Variants in TSPAN11 observed in about 807,000 individuals in gnomAD.
TSPAN11 encodes the protein tetraspanin 11.
TSPAN11 carries 29 observed loss-of-function variants against 32.9 expected under a neutral mutation model. The observed-to-expected ratio is 0.88, with a 90% confidence interval of 0.66 to 1.20. TSPAN11 has a LOEUF of 1.20. Among genes scored for constraint, TSPAN11 ranks in the 50% most tolerant of loss-of-function variants. The probability of loss-of-function intolerance (pLI) is 0.00; values close to 1 mark genes in which losing one functional copy is unlikely to be tolerated. For synonymous variants in TSPAN11, 140 were observed against 141.3 expected (o/e 0.99, Z 0.07); for missense variants, 283 against 329.1 (o/e 0.86, Z 1.08).
At chr12:30,961,029 GAAAAAAA>G (rs113586330) in intron 2 of TSPAN11, among the ~76,000 whole-genome samples, 4 of 138,504 alleles carry the variant, frequency 2.9e-5, no homozygotes, top group African/African-American at 1.1e-4. Context: ...ACAGAGCGAG[GAAAAAAA>G]AAAAAAAGAA....
Position 30,963,825 on chromosome 12 carries a change from G to A in TSPAN11, c.85-1G>A. 1 of 1,606,494 alleles carries A rather than the reference G, an allele frequency of 6.2e-7. No homozygotes were observed. Among genetic ancestry groups the A allele is most frequent in the Non-Finnish European group, 8.5e-7 (1 of 1,179,688 alleles). The stretch of plus-strand genomic sequence containing the variant: ...TGCTCTAACCCGGTGGTCTCCTGCA[G>A]GTCGGGGGAGCAGCCGTCCTGGCTG... On this transcript the variant is annotated splice_acceptor_variant, in intron 2 of 7. Transcript: ENST00000546076. LOFTEE classifies it high-confidence loss of function.
intron 3 of TSPAN11, among the ~76,000 whole-genome samples, chr12:30,976,976 GC>G (rs1318651056): frequency 6.6e-6 from 1 of 152,194 alleles, no homozygotes; most frequent in African/African-American, 2.4e-5. Context: ...TTGGCCTCAG[GC>G]CCCACAAATG....
intron 3 of TSPAN11, among the ~76,000 whole-genome samples, chr12:30,973,622 A>T (rs1418887253): frequency 6.6e-6 from 1 of 152,094 alleles, no homozygotes; most frequent in Non-Finnish European, 1.5e-5. Context: ...TGGGCCAGTG[A>T]TTCTGGAGGC....
chr12:30,935,755 GC>G (rs1412900936), intron 1 of TSPAN11, among the ~76,000 whole-genome samples: 1 of 152,112 alleles, frequency 6.6e-6, no homozygotes, highest in Non-Finnish European at 1.5e-5. Flanking sequence ...TCCTGCATGG[GC>G]TTAGGGTCAC....
chr12:30,939,956 T>A (rs1245972607), intron 1 of TSPAN11, among the ~76,000 whole-genome samples: 1 of 152,230 alleles, frequency 6.6e-6, no homozygotes, highest in Non-Finnish European at 1.5e-5. Flanking sequence ...ATCTCTCATC[T>A]GAGGCTGAAA....
downstream of TSPAN11, among the ~76,000 whole-genome samples, chr12:30,998,377 C>T (rs774341491): frequency 1.3e-5 from 2 of 152,244 alleles, no homozygotes; most frequent in Non-Finnish European, 2.9e-5. Flanking sequence ...GTTGTCATTG[C>T]TGCCTCTGGG....
chr12:30,974,655 G>A (rs1404194636), intron 3 of TSPAN11, among the ~76,000 whole-genome samples: 1 of 152,226 alleles, frequency 6.6e-6, no homozygotes, highest in African/African-American at 2.4e-5. Flanking sequence ...AGGCACTGTG[G>A]AGGAGCCAGA....
chr12:30,926,916 G>A (rs1937807037), intron 1 of TSPAN11, 120 bp downstream of exon 1: 9 of 1,282,120 alleles, frequency 7.0e-6, no homozygotes, highest in Non-Finnish European at 9.1e-6. Context: ...ACTGTCCCGA[G>A]CTTCCCCCGG....
At chr12:30,939,074 A>G (rs1182586216) in intron 1 of TSPAN11, among the ~76,000 whole-genome samples, 1 of 152,050 alleles carries the variant, frequency 6.6e-6, no homozygotes, top group East Asian at 1.9e-4. Flanking sequence ...TCTACTAAAA[A>G]TACAAAAATT....
the TSPAN11 span, among the ~76,000 whole-genome samples, chr12:31,008,057 G>C: frequency 6.6e-6 from 1 of 151,658 alleles, no homozygotes; most frequent in African/African-American, 2.4e-5. Flanking sequence ...GGCCACACAG[G>C]GTCTCCCAGG....
chr12:30,934,186 G>T (rs1937995023), intron 1 of TSPAN11, among the ~76,000 whole-genome samples: 1 of 152,244 alleles, frequency 6.6e-6, no homozygotes, highest in South Asian at 2.1e-4. Flanking sequence ...GTGGACAGGG[G>T]TGACCGGGAA....
chr12:30,967,394 C>T (rs1042192959), intron 3 of TSPAN11, among the ~76,000 whole-genome samples: 1 of 152,240 alleles, frequency 6.6e-6, no homozygotes, highest in African/African-American at 2.4e-5. Context: ...GCACCTCTTG[C>T]CCTACCCTTC....
chr12:30,982,735 C>G (rs1273995843), intron 6 of TSPAN11, 45 bp downstream of exon 6: 5 of 1,516,328 alleles, frequency 3.3e-6, no homozygotes, highest in Middle Eastern at 2.3e-4. Flanking sequence ...GGGCCCTGGC[C>G]TGGCCGTTCA....
At chr12:31,005,479 C>T in the TSPAN11 span, among the ~76,000 whole-genome samples, 6 of 152,158 alleles carry the variant, frequency 3.9e-5, no homozygotes, top group Non-Finnish European at 5.9e-5. Context: ...AGACACCCAT[C>T]GGTGGTGGGG....
chr12:30,939,686 T>G (rs1206619274), intron 1 of TSPAN11, among the ~76,000 whole-genome samples: 3 of 152,062 alleles, frequency 2.0e-5, no homozygotes, highest in African/African-American at 7.2e-5. Flanking sequence ...GTGGGTCTGT[T>G]TTTAAGGGCT....
chr12:30,963,741 G>A lies in TSPAN11; in HGVS notation c.85-85G>A, dbSNP rs188202402. The A allele has an allele frequency of 1.3e-5, 19 of 1,452,518 alleles. No individual in the cohort carries two copies. The Admixed American group carries it at 2.9e-4, about 22-fold the overall frequency. 90.0% of individuals were successfully genotyped at this position (1,452,518 alleles called of 1,614,324 possible). On this transcript the variant is annotated intron_variant, in intron 2 of 7. Coordinates refer to ENST00000546076, the MANE Select transcript of TSPAN11 (RefSeq NM_001370302.1). ...GACTGAATGAGCCAGTGCAAGAGAA[G>A]TGCCTGGCACCCTGTGGGCACTGAA...
At chr12:31,011,382 G>A in the TSPAN11 span, among the ~76,000 whole-genome samples, 4 of 152,294 alleles carry the variant, frequency 2.6e-5, no homozygotes, top group East Asian at 3.9e-4. Context: ...CAGGGGTGCC[G>A]CTGGGGAGCT....
intron 1 of TSPAN11, among the ~76,000 whole-genome samples, chr12:30,948,077 A>C (rs1938305515): frequency 6.6e-6 from 1 of 152,208 alleles, no homozygotes; most frequent in Non-Finnish European, 1.5e-5. Context: ...CAAAGCTCCA[A>C]AATGATCTCC....
chr12:30,936,737 C>T (rs910879877), intron 1 of TSPAN11, among the ~76,000 whole-genome samples: 2 of 152,130 alleles, frequency 1.3e-5, no homozygotes, highest in East Asian at 1.9e-4. Flanking sequence ...TAGTTTTGGG[C>T]GTGCTGGATA....
Sources: allele counts gnomAD v4.1 joint callset (sites outside exome capture counted in the v4.1 genomes callset), GRCh38; gene constraint gnomAD v4.1.1; transcripts MANE v1.5; gene names NCBI Gene and HGNC (gene_info 2026-07-23, HGNC 2026-07-21).